VPS13B: variants seen among roughly 807,000 people sequenced by gnomAD.
VPS13B encodes vacuolar protein sorting 13 homolog B.
A neutral mutation model predicts 426.4 loss-of-function variants in VPS13B; 285 were observed. The ratio of observed to expected loss-of-function variants is 0.67; its 90% CI spans 0.61 to 0.74. The LOEUF (loss-of-function observed/expected upper bound fraction) is 0.74, where lower values mean the gene tolerates loss of function less well. Among genes scored for constraint, VPS13B ranks in the 30% least tolerant of loss-of-function variants. The probability of loss-of-function intolerance (pLI) is 0.00; values close to 1 mark genes in which losing one functional copy is unlikely to be tolerated. For missense variants in VPS13B, 4,537 were observed against 4,782.6 expected (o/e 0.95, Z 1.51); for synonymous variants, 1,676 against 1,676.4 (o/e 1.00, Z 0.01).
chr8:99,072,419 C>T (rs561882794), intron 3 of VPS13B, among the ~76,000 whole-genome samples: 1 of 152,202 alleles, frequency 6.6e-6, no homozygotes, highest in South Asian at 2.1e-4. Flanking sequence ...CTTCCTGATG[C>T]CCTATGCTAC....
chr8:99,373,268 A>G (rs1423403629), intron 19 of VPS13B, among the ~76,000 whole-genome samples: 1 of 152,068 alleles, frequency 6.6e-6, no homozygotes, highest in East Asian at 1.9e-4. Context: ...ACCATGGCAC[A>G]TGTATACCTA....
intron 4 of VPS13B, among the ~76,000 whole-genome samples, chr8:99,097,201 T>C (rs917662452): frequency 3.3e-5 from 5 of 152,212 alleles, no homozygotes; most frequent in East Asian, 1.9e-4. Context: ...AGGTGTTCTT[T>C]CTTATTAATG....
rs185155057 is a variant in VPS13B at position 99,648,466 on chromosome 8, C to T, written c.5908+5968C>T. On this transcript the variant is annotated intron_variant, in intron 34 of 61. Transcript: ENST00000357162. ...GATTTTTTATTAGTTGTATATTCAGCTTTAGCTGTGATTCAGAATATTTTT... is the reference window on the plus strand; with the variant it reads ...GATTTTTTATTAGTTGTATATTCAGTTTTAGCTGTGATTCAGAATATTTTT... Among the ~76,000 whole-genome samples, 169 of 152,272 alleles carry T rather than the reference C, an allele frequency of 1.1e-3. 5 individuals carry two copies. In the East Asian group the frequency reaches 0.022, roughly 19 times the overall value.
intron 39 of VPS13B, among the ~76,000 whole-genome samples, chr8:99,752,331 G>C (rs1400418186): frequency 6.6e-6 from 1 of 152,218 alleles, no homozygotes; most frequent in Non-Finnish European, 1.5e-5. Context: ...CTCTGTAAGG[G>C]CATTGCTTTT....
At chr8:99,309,180 G>C (rs1820812491) in intron 19 of VPS13B, among the ~76,000 whole-genome samples, 1 of 152,122 alleles carries the variant, frequency 6.6e-6, no homozygotes, top group Non-Finnish European at 1.5e-5. Context: ...AAGCTCTTTA[G>C]TTTAGTTAGA....
intron 19 of VPS13B, among the ~76,000 whole-genome samples, chr8:99,380,935 G>A (rs928987682): frequency 6.7e-6 from 1 of 149,100 alleles, no homozygotes; most frequent in Non-Finnish European, 1.5e-5. Context: ...ACAAGTGCCT[G>A]TTTATAATAT....
rs74355904 is a variant in VPS13B, at chr8:99,263,259, A to G, written c.2516-10939A>G. Among the ~76,000 whole-genome samples, 618 of 152,242 alleles carry G rather than the reference A, an allele frequency of 4.1e-3. 2 individuals are homozygous for G. The highest frequency in any genetic ancestry group is 6.4e-3 in the Non-Finnish European group (435 of 68,016). On this transcript the variant is annotated intron_variant, in intron 17 of 61. Coordinates refer to ENST00000357162, the MANE Select transcript of VPS13B (RefSeq NM_152564.5). ...GTTTTCTTATTTTTGATGTTTTTCC[A>G]TAGAGAAAGTCAGTGTTGGCCCTGA...
At chr8:99,435,213 T>C (rs1368153133) in intron 22 of VPS13B, among the ~76,000 whole-genome samples, 2 of 152,174 alleles carry the variant, frequency 1.3e-5, no homozygotes, top group African/African-American at 4.8e-5. Flanking sequence ...CATTGTGTGG[T>C]TTAGAATATG....
At chr8:99,097,035 G>A (rs1314813052) in intron 4 of VPS13B, among the ~76,000 whole-genome samples, 1 of 152,128 alleles carries the variant, frequency 6.6e-6, no homozygotes, top group Non-Finnish European at 1.5e-5. Context: ...ATATCCCCAG[G>A]CTGGAAGTGA....
At chr8:99,836,683 G>A (rs1204431286) in intron 54 of VPS13B, among the ~76,000 whole-genome samples, 2 of 152,046 alleles carry the variant, frequency 1.3e-5, no homozygotes, top group Non-Finnish European at 2.9e-5. Context: ...TGGTCTTCAC[G>A]ACAAGCTTGT....
chr8:99,866,396 G>A (rs1817101062), intron 58 of VPS13B, among the ~76,000 whole-genome samples: 1 of 152,210 alleles, frequency 6.6e-6, no homozygotes, highest in African/African-American at 2.4e-5. Flanking sequence ...GGCTGGTGAG[G>A]TGTTGGTGTG....
intron 21 of VPS13B, among the ~76,000 whole-genome samples, chr8:99,400,091 A>G (rs1165131588): frequency 6.6e-6 from 1 of 152,206 alleles, no homozygotes; most frequent in African/African-American, 2.4e-5. Flanking sequence ...TTGAAGGTAG[A>G]GCATAGACTT....
At chr8:99,297,595 T>TA (rs542574445) in intron 19 of VPS13B, among the ~76,000 whole-genome samples, 2 of 152,342 alleles carry the variant, frequency 1.3e-5, no homozygotes, top group South Asian at 4.1e-4. Flanking sequence ...ACTGTTCTGA[T>TA]AAATGCATAA....
chr8:99,177,695 C>T (rs985367084), intron 16 of VPS13B, among the ~76,000 whole-genome samples: 6 of 152,076 alleles, frequency 3.9e-5, no homozygotes, highest in African/African-American at 1.4e-4. Context: ...TTTCCAATTC[C>T]CTAGTTTAAT....
At chr8:99,800,180 AT>A in intron 43 of VPS13B, among the ~76,000 whole-genome samples, 1 of 152,286 alleles carries the variant, frequency 6.6e-6, no homozygotes, top group African/African-American at 2.4e-5. Flanking sequence ...ATTATTTCAG[AT>A]TTTATAGACA....
rs112236767 is a variant in VPS13B, at chr8:99,866,506, T to C, written c.11216-1783T>C. Among the ~76,000 whole-genome samples the C allele has an allele frequency of 7.5e-4, 114 of 152,368 alleles. 4 individuals are homozygous for C. The South Asian group carries it at 0.012, about 16-fold the overall frequency. On this transcript the variant is annotated intron_variant, in intron 58 of 61. Transcript: ENST00000357162. ...ACTCTCAGAATCTAACACCTTGTCA[T>C]GGGACTCAGGCTTTCCACTTTTGGG...
chr8:99,530,439 AC>A (rs1242899523), intron 30 of VPS13B, among the ~76,000 whole-genome samples: 1 of 152,076 alleles, frequency 6.6e-6, no homozygotes, highest in Non-Finnish European at 1.5e-5. Flanking sequence ...ACATGGTGAA[AC>A]CCTATTTCTA....
chr8:99,687,154 T>C (rs547373555), intron 35 of VPS13B, among the ~76,000 whole-genome samples: 13 of 152,098 alleles, frequency 8.5e-5, no homozygotes, highest in African/African-American at 3.1e-4. Context: ...ACAAATGTCA[T>C]TTGGGAGCTA....
chr8:99,501,985 C>A (rs1326646425), intron 26 of VPS13B, 127 bp downstream of exon 26: 16 of 1,156,298 alleles, frequency 1.4e-5, no homozygotes, highest in Non-Finnish European at 8.6e-6. Context: ...TTCCGTCTGT[C>A]TGTCTGTCTT....
Sources: gnomAD v4.1 joint callset for allele counts (sites outside exome capture counted in the v4.1 genomes callset) on GRCh38, gnomAD v4.1.1 for gene constraint, MANE v1.5 for transcripts, NCBI Gene and HGNC (gene_info 2026-07-23, HGNC 2026-07-21) for gene names.